Variants in DLC1 observed in about 807,000 individuals in gnomAD.
DLC1 encodes the protein DLC1 Rho GTPase activating protein.
Under a neutral mutation model 140.3 loss-of-function variants are expected in DLC1, and 54 were observed. That is an observed-to-expected ratio of 0.38 (90% CI 0.31 to 0.48). The LOEUF (loss-of-function observed/expected upper bound fraction) is 0.48, where lower values mean the gene tolerates loss of function less well. Ranked by LOEUF, DLC1 falls within the 20% of genes least tolerant of loss-of-function variation. The probability of loss-of-function intolerance (pLI) is 0.96; values close to 1 mark genes in which losing one functional copy is unlikely to be tolerated. For missense variants in DLC1, 2,536 were observed against 1,907.0 expected (o/e 1.33, Z -6.14); for synonymous variants, 986 against 728.1 (o/e 1.35, Z -5.70).
At chr8:13,359,546 C>T (rs1316741201) in intron 4 of DLC1, among the ~76,000 whole-genome samples, 1 of 152,204 alleles carries the variant, frequency 6.6e-6, no homozygotes, top group Non-Finnish European at 1.5e-5. Flanking sequence ...CAAAGTACAG[C>T]TCAATCTAAA....
chr8:13,506,581 G>GTGTGTATATATATATATATATATA (rs1246764417), intron 1 of DLC1, among the ~76,000 whole-genome samples: 1 of 131,138 alleles, frequency 7.6e-6, no homozygotes, highest in African/African-American at 3.2e-5. Context: ...GTGTGTGTGT[G>GTGTGTATATATATATATATATATA]TATATATATA....
At chr8:13,324,964 G>A (rs530013708) in intron 4 of DLC1, among the ~76,000 whole-genome samples, 158 of 152,226 alleles carry the variant, frequency 1.0e-3, no homozygotes, top group African/African-American at 3.8e-3. Flanking sequence ...TAATCCAAAT[G>A]GTTAGTTTGT....
intron 4 of DLC1, chr8:13,340,182 T>A (rs1306810464): frequency 6.6e-6 from 1 of 152,282 alleles, no homozygotes; most frequent in East Asian, 1.9e-4. Context: ...CAGGCACTAT[T>A]TGAGGCTTGG....
intron 5 of DLC1, among the ~76,000 whole-genome samples, chr8:13,200,096 G>A (rs760845541): frequency 4.6e-5 from 7 of 152,136 alleles, no homozygotes; most frequent in Non-Finnish European, 1.0e-4. Context: ...GGGCTTGAGT[G>A]CAATGGCGTG....
chr8:13,157,345 C>G (rs548506963), intron 5 of DLC1, among the ~76,000 whole-genome samples: 1 of 151,974 alleles, frequency 6.6e-6, no homozygotes, highest in Non-Finnish European at 1.5e-5. Flanking sequence ...TGAAATTGAG[C>G]CTTGAAGGAG....
chr8:13,108,132 C>T (rs1453473010), intron 7 of DLC1, among the ~76,000 whole-genome samples: 4 of 152,192 alleles, frequency 2.6e-5, no homozygotes, highest in East Asian at 3.9e-4. Context: ...TTAGGCCTCT[C>T]GAAAGGGGCA....
chr8:13,331,172 G>A (rs1238708739), intron 4 of DLC1, among the ~76,000 whole-genome samples: 1 of 152,176 alleles, frequency 6.6e-6, no homozygotes, highest in Non-Finnish European at 1.5e-5. Context: ...ACACTATACA[G>A]ATTGGTGGTT....
intron 5 of DLC1, among the ~76,000 whole-genome samples, chr8:13,264,056 A>T (rs907825047): frequency 6.7e-6 from 1 of 148,954 alleles, no homozygotes; most frequent in Non-Finnish European, 1.5e-5. Context: ...GAAGCTTTTT[A>T]TTTATTTATT....
intron 1 of DLC1, among the ~76,000 whole-genome samples, chr8:13,572,103 T>TTTA (rs1804676765): frequency 6.6e-6 from 1 of 150,486 alleles, no homozygotes; most frequent in South Asian, 2.1e-4. Context: ...TTATTTTTTT[T>TTTA]TTTTGAGATG....
intron 4 of DLC1, among the ~76,000 whole-genome samples, chr8:13,317,206 G>T (rs1483063702): frequency 6.6e-6 from 1 of 152,164 alleles, no homozygotes; most frequent in African/African-American, 2.4e-5. Context: ...TATAAGGAAG[G>T]TTAAGTAGTA....
chr8:13,165,522 C>G (rs537558864), intron 5 of DLC1, among the ~76,000 whole-genome samples: 1 of 152,352 alleles, frequency 6.6e-6, no homozygotes, highest in South Asian at 2.1e-4. Context: ...CTTTCACGCT[C>G]TGTTCCATCT....
At chr8:13,171,245 G>C (rs1208861732) in intron 5 of DLC1, among the ~76,000 whole-genome samples, 11 of 152,142 alleles carry the variant, frequency 7.2e-5, no homozygotes, top group Admixed American at 6.5e-5. Flanking sequence ...GCAATTTTCA[G>C]GAATGTTATG....
intron 2 of DLC1, among the ~76,000 whole-genome samples, chr8:13,490,757 A>T (rs1238797544): frequency 6.6e-6 from 1 of 152,132 alleles, no homozygotes; most frequent in Non-Finnish European, 1.5e-5. Flanking sequence ...TATTTAAAAT[A>T]ACATCATAAA....
chr8:13,549,592 C>G (rs970764289), intron 1 of DLC1, among the ~76,000 whole-genome samples: 2 of 152,070 alleles, frequency 1.3e-5, no homozygotes, highest in Admixed American at 6.6e-5. Context: ...CCAAAAAAAG[C>G]TGATACATTA....
chr8:13,282,463 A>G (rs1831396933), intron 5 of DLC1, among the ~76,000 whole-genome samples: 1 of 152,212 alleles, frequency 6.6e-6, no homozygotes, highest in South Asian at 2.1e-4. Context: ...CAATTTCTAT[A>G]GAAAAATCAA....
At chr8:13,566,991 G>A in intron 1 of DLC1, 1 of 1,542,456 alleles carries the variant, frequency 6.5e-7, no homozygotes, top group Non-Finnish European at 8.8e-7. Context: ...GATGCATTGT[G>A]ATGGCCATCT....
chr8:13,548,023 A>G (rs1454405535), intron 1 of DLC1, among the ~76,000 whole-genome samples: 9 of 152,204 alleles, frequency 5.9e-5, no homozygotes, highest in South Asian at 2.1e-4. Context: ...CACTTAAAAT[A>G]TTGTAATTAT....
intron 1 of DLC1, among the ~76,000 whole-genome samples, chr8:13,603,461 A>G (rs1805954143): frequency 6.6e-6 from 1 of 151,918 alleles, no homozygotes; most frequent in Non-Finnish European, 1.5e-5. Context: ...ACAGAAATGT[A>G]ATCATATTAA....
intron 2 of DLC1, among the ~76,000 whole-genome samples, chr8:13,457,676 C>CAAAAAAAAAAAA (rs34916262): frequency 2.3e-3 from 125 of 54,708 alleles, no homozygotes; most frequent in East Asian, 3.3e-3. Flanking sequence ...GACTCCATCT[C>CAAAAAAAAAAAA]AAAAAAAAAA....
Sources: allele counts gnomAD v4.1 joint callset (sites outside exome capture counted in the v4.1 genomes callset), GRCh38; gene constraint gnomAD v4.1.1; transcripts MANE v1.5; gene names NCBI Gene and HGNC (gene_info 2026-07-23, HGNC 2026-07-21).